The following DISC1 variants were observed in gnomAD, a reference collection of about 807,000 sequenced individuals.
The protein encoded by DISC1 is DISC1 scaffold protein.
Under a neutral mutation model 84.5 loss-of-function variants are expected in DISC1, and 57 were observed. The ratio of observed to expected loss-of-function variants is 0.67; its 90% CI spans 0.55 to 0.84. DISC1 has a LOEUF of 0.84. Ranked by LOEUF, DISC1 falls within the 40% of genes least tolerant of loss-of-function variation. DISC1 has a pLI of 0.00. For synonymous variants in DISC1, 411 were observed against 415.2 expected, an observed-to-expected ratio of 0.99 and a Z score of 0.12; for missense variants, 1,000 against 1,057.8, an observed-to-expected ratio of 0.95 and a Z score of 0.76.
chr1:231,744,186 A>G (rs933698587), intron 3 of DISC1, among the ~76,000 whole-genome samples: 5 of 152,156 alleles, frequency 3.3e-5, no homozygotes, highest in Non-Finnish European at 4.4e-5. Flanking sequence ...TGACGTAAAA[A>G]AGGATAATGT....
rs189987814 is a variant in DISC1 at position 231,639,717 on chromosome 1, T to C, written c.67+12783T>C. Among the ~76,000 whole-genome samples the C allele has an allele frequency of 2.8e-3, 431 of 152,310 alleles. 7 individuals carry two copies. The highest frequency in any genetic ancestry group is 9.5e-3 in the East Asian group (49 of 5,172). ...TATCAGCCCTCAATTTACACAGTTG[T>C]AGTGAAGGTCCAATGTGATCAGTGT... On this transcript the variant is annotated intron_variant, in intron 1 of 12. Coordinates refer to ENST00000439617, the MANE Select transcript of DISC1 (RefSeq NM_018662.3).
chr1:232,032,012 T>G (rs1170319912), intron 12 of DISC1, among the ~76,000 whole-genome samples: 1 of 152,208 alleles, frequency 6.6e-6, no homozygotes, highest in African/African-American at 2.4e-5. Context: ...TAGAAGTGTT[T>G]TGAAGTTCTG....
intron 9 of DISC1, among the ~76,000 whole-genome samples, chr1:231,940,247 G>A (rs529800022): frequency 6.6e-6 from 1 of 152,136 alleles, no homozygotes; most frequent in East Asian, 1.9e-4. Flanking sequence ...GGTTCTTGAG[G>A]CCATGAGCTG....
chr1:231,886,824 T>TTTCTTTCTTTCC (rs71179798), intron 9 of DISC1, among the ~76,000 whole-genome samples: 2 of 129,198 alleles, frequency 1.5e-5, no homozygotes, highest in African/African-American at 5.7e-5. Flanking sequence ...TCTTTCTTTC[T>TTTCTTTCTTTCC]TTCTTTCTTT....
chr1:231,737,156 A>C (rs763960321), intron 3 of DISC1, among the ~76,000 whole-genome samples: 14 of 152,240 alleles, frequency 9.2e-5, no homozygotes, highest in Non-Finnish European at 2.1e-4. Context: ...ATAGAATGAG[A>C]TGATGCTTAA....
At chr1:231,952,707 A>G (rs867050079) in intron 9 of DISC1, among the ~76,000 whole-genome samples, 2,377 of 141,818 alleles carry the variant, frequency 0.017, 31 homozygotes, top group Non-Finnish European at 0.017. Flanking sequence ...ATATATATAT[A>G]TATATATGTA....
intron 6 of DISC1, among the ~76,000 whole-genome samples, chr1:231,779,840 T>G (rs1257601614): frequency 6.6e-6 from 1 of 152,082 alleles, no homozygotes; most frequent in African/African-American, 2.4e-5. Flanking sequence ...ATTACAAGCG[T>G]GAGCCACCCT....
rs1346589737 is a variant in DISC1 at position 231,673,852 on chromosome 1, G to A, written c.68-19974G>A. Among the ~76,000 whole-genome samples, 4 of 152,278 alleles carry A rather than the reference G, an allele frequency of 2.6e-5. No individual in the cohort carries two copies. In the East Asian group the frequency reaches 7.7e-4, roughly 29 times the overall value. ...CATCATTGAGTAATTATACTTTTGG[G>A]GCTCACGTTTGAGTATTGACAACTG... On this transcript the variant is annotated intron_variant, in intron 1 of 12. Transcript: ENST00000439617.
intron 3 of DISC1, chr1:231,722,860 C>G: frequency 7.1e-7 from 1 of 1,403,218 alleles, no homozygotes; most frequent in Non-Finnish European, 9.2e-7. Context: ...TTTCCCAGTC[C>G]CCTGTCATGG....
intron 9 of DISC1, among the ~76,000 whole-genome samples, chr1:231,948,539 G>T: frequency 6.6e-6 from 1 of 151,974 alleles, no homozygotes; most frequent in East Asian, 1.9e-4. Context: ...AAACACCGTG[G>T]CACGTGTATA....
intron 6 of DISC1, among the ~76,000 whole-genome samples, chr1:231,780,784 G>A (rs2077357779): frequency 1.1e-5 from 1 of 94,226 alleles, no homozygotes; most frequent in Admixed American, 1.3e-4. Context: ...TGATAGACTG[G>A]ATTAAGAAAA....
At chr1:231,971,068 T>C (rs944528538) in intron 10 of DISC1, among the ~76,000 whole-genome samples, 1 of 152,216 alleles carries the variant, frequency 6.6e-6, no homozygotes, top group African/African-American at 2.4e-5. Flanking sequence ...TGGCACCTGT[T>C]ACAGTTTTAA....
intron 6 of DISC1, among the ~76,000 whole-genome samples, chr1:231,776,518 G>A (rs1327637205): frequency 6.6e-6 from 1 of 152,190 alleles, no homozygotes; most frequent in Non-Finnish European, 1.5e-5. Context: ...GGCAGGGCTG[G>A]GCTGGGGAGG....
intron 1 of DISC1, among the ~76,000 whole-genome samples, chr1:231,663,949 AT>A (rs1037952012): frequency 2.4e-4 from 36 of 152,192 alleles, no homozygotes; most frequent in Non-Finnish European, 8.8e-5. Context: ...CATCATAGGT[AT>A]TAAGTTGGAC....
chr1:231,817,153 C>T (rs2081086779), intron 8 of DISC1, among the ~76,000 whole-genome samples: 1 of 152,146 alleles, frequency 6.6e-6, no homozygotes, highest in African/African-American at 2.4e-5. Context: ...GGCAGGATCT[C>T]AGCTCGCTGC....
Position 231,870,767 on chromosome 1 carries a change from A to G in DISC1, c.1981+52250A>G, listed in dbSNP as rs572390016. On this transcript the variant is annotated intron_variant, in intron 9 of 12. Coordinates refer to ENST00000439617, the MANE Select transcript of DISC1 (RefSeq NM_018662.3). ...CAAACTCTGTTTTTAGAGATTAGCCATTAGTTTTTCCTTCCAAAATTATTA... is the reference window on the plus strand; with the variant it reads ...CAAACTCTGTTTTTAGAGATTAGCCGTTAGTTTTTCCTTCCAAAATTATTA... 7.2e-5 allele frequency among the ~76,000 whole-genome samples: 11 copies of G among 152,360 alleles called. No homozygotes were observed. The South Asian group carries it at 2.1e-3, about 29-fold the overall frequency.
intron 1 of DISC1, among the ~76,000 whole-genome samples, chr1:231,648,425 A>G (rs901327680): frequency 1.3e-5 from 2 of 152,164 alleles, no homozygotes; most frequent in African/African-American, 4.8e-5. Context: ...ATCATGGTGG[A>G]TAAGCTTTTT....
chr1:232,038,547 A>C lies in DISC1; in HGVS notation c.*1716A>C, dbSNP rs531672147. 133 of 152,196 alleles carry C rather than the reference A, an allele frequency of 8.7e-4. 1 individual carries two copies. Among genetic ancestry groups the C allele is most frequent in the African/African-American group, 3.1e-3 (130 of 41,520 alleles). 9.4% of individuals were successfully genotyped at this position (152,196 alleles called of 1,614,324 possible). A position where few individuals can be genotyped will look rare whatever the true frequency, so the allele number is the denominator to read the frequency against. On this transcript the variant is annotated 3_prime_UTR_variant, in exon 13 of 13. Transcript: ENST00000439617. ...AAGGAAACTCACTTGATTTTATCTA[A>C]CCTCAAACTTTCCAAGTTTAATGGA...
chr1:231,831,746 A>T (rs1295737722), intron 9 of DISC1, among the ~76,000 whole-genome samples: 2 of 152,108 alleles, frequency 1.3e-5, no homozygotes, highest in African/African-American at 4.8e-5. Flanking sequence ...GTGGTGTATG[A>T]TATGGAAGGC....
Sources: allele counts gnomAD v4.1 joint callset (sites outside exome capture counted in the v4.1 genomes callset), GRCh38; gene constraint gnomAD v4.1.1; transcripts MANE v1.5; gene names NCBI Gene and HGNC (gene_info 2026-07-23, HGNC 2026-07-21).